Variants in FLT1 observed in about 807,000 individuals in gnomAD.
FLT1 encodes the protein fms related receptor tyrosine kinase 1.
FLT1 carries 49 observed loss-of-function variants against 156.3 expected under a neutral mutation model. The observed-to-expected ratio is 0.31, with a 90% CI of 0.25 to 0.40. FLT1 has a LOEUF of 0.40. FLT1 is among the 10% of genes least tolerant of loss of function. The pLI, the probability that FLT1 is intolerant of heterozygous loss-of-function variation, is 1.00. For synonymous variants in FLT1, 594 were observed against 583.8 expected, an observed-to-expected ratio of 1.02 and a Z score of -0.25; for missense variants, 1,322 against 1,637.2, an observed-to-expected ratio of 0.81 and a Z score of 3.32.
At chr13:28,410,263 C>T (rs9508026) in intron 10 of FLT1, among the ~76,000 whole-genome samples, 41,876 of 152,106 alleles carry the variant, frequency 0.28, 6,228 homozygotes, top group East Asian at 0.48. Context: ...TAGATTGTCA[C>T]ATCTGGTGGA....
At chr13:28,308,588 A>G (rs558911362) in intron 28 of FLT1, among the ~76,000 whole-genome samples, 2 of 152,318 alleles carry the variant, frequency 1.3e-5, no homozygotes, top group South Asian at 4.1e-4. Flanking sequence ...GAAACACACA[A>G]TGGAGTTTCC....
chr13:28,389,795 C>T lies in FLT1; in HGVS notation c.1969+1G>A. 1.9e-6 allele frequency: 3 copies of T among 1,614,172 alleles called. No individual in the cohort carries two copies. Among genetic ancestry groups the T allele is most frequent in the Non-Finnish European group, 2.5e-6 (3 of 1,180,024 alleles). ...AACAGCCTTTTTGTTGCAGTGCTCA[C>T]CTCTGATTGTAATTTCTTTCTTCTG... On this transcript the variant is annotated splice_donor_variant, in intron 13 of 29. Transcript: ENST00000282397. LOFTEE classifies it high-confidence loss of function.
chr13:28,475,868 A>G (rs1880514025), intron 1 of FLT1, among the ~76,000 whole-genome samples: 1 of 152,186 alleles, frequency 6.6e-6, no homozygotes, highest in South Asian at 2.1e-4. Context: ...TTTGATGAAG[A>G]GCATTATAAT....
rs558173203 is a variant in FLT1, at chr13:28,312,135, C to A, written c.3387-37G>T. On this transcript the variant is annotated intron_variant, in intron 25 of 29. Coordinates refer to ENST00000282397, the MANE Select transcript of FLT1 (RefSeq NM_002019.4). ...AACAGCAACAGAAATAGTTGGAGAG[C>A]AGTGATCATCCTATGCATTGCCTTA... 15 of 1,296,802 alleles carry A rather than the reference C, an allele frequency of 1.2e-5. No individual in the cohort carries two copies. In the South Asian group the frequency reaches 1.4e-4, roughly 12 times the overall value. 80.3% of individuals were successfully genotyped at this position (1,296,802 alleles called of 1,614,324 possible). A position where few individuals can be genotyped will look rare whatever the true frequency, so the allele number is the denominator to read the frequency against.
Position 28,303,380 on chromosome 13 carries a change from A to C in FLT1, c.3816-12T>G, listed in dbSNP as rs1351503816. The C allele has an allele frequency of 1.2e-6, 2 of 1,611,954 alleles. No individual in the cohort carries two copies. Among genetic ancestry groups the C allele is most frequent in the African/African-American group, 2.7e-5 (2 of 74,886 alleles). Reference sequence around the variant, plus strand: ...TGGTTACTCTCAAGCTAAAGAAAGAAAGGAAAGAAATCAAATATTCAAAAT... The same window carrying C: ...TGGTTACTCTCAAGCTAAAGAAAGACAGGAAAGAAATCAAATATTCAAAAT... On this transcript the variant is annotated splice_polypyrimidine_tract_variant and intron_variant, in intron 29 of 29. Coordinates refer to ENST00000282397, the MANE Select transcript of FLT1 (RefSeq NM_002019.4).
chr13:28,386,211 C>T, intron 13 of FLT1: 8 of 1,053,658 alleles, frequency 7.6e-6, no homozygotes, highest in Non-Finnish European at 8.0e-6. Context: ...TTCCATGTCC[C>T]TGCAGGGTTC....
At chr13:28,321,170 AG>A (rs1446835897) in intron 23 of FLT1, among the ~76,000 whole-genome samples, 4 of 152,202 alleles carry the variant, frequency 2.6e-5, no homozygotes, top group African/African-American at 9.6e-5. Context: ...GGTAATGCTA[AG>A]GTCTCACCCA....
At chr13:28,431,350 G>A (rs1877672859) in intron 6 of FLT1, 40 bp from the exon 7 acceptor site, 1 of 1,409,846 alleles carries the variant, frequency 7.1e-7, no homozygotes, top group East Asian at 2.3e-5. Flanking sequence ...AGGAGTGAGT[G>A]TTCATGCTTA....
chr13:28,401,968 C>T (rs1298758338), intron 11 of FLT1, among the ~76,000 whole-genome samples: 1 of 152,200 alleles, frequency 6.6e-6, no homozygotes, highest in African/African-American at 2.4e-5. Context: ...GTTCCTTCTA[C>T]TTCCTACTCC....
At chr13:28,386,038 A>G in intron 13 of FLT1, 1 of 1,053,620 alleles carries the variant, frequency 9.5e-7, no homozygotes, top group Non-Finnish European at 1.1e-6. Context: ...AGAAATCAAA[A>G]GAGTTTTGGC....
Position 28,492,368 on chromosome 13 carries a change from A to G in FLT1, c.64+2412T>C, listed in dbSNP as rs535737129. Among the ~76,000 whole-genome samples the G allele has an allele frequency of 2.0e-5, 3 of 152,364 alleles. No homozygotes were observed. In the South Asian group the frequency reaches 6.2e-4, roughly 32 times the overall value. Reference sequence around the variant, plus strand: ...TGTGATACCTTAAAAGTAAGAAATGAGACTCAGAGCTGGAGAAAGAGGACT... The same window carrying G: ...TGTGATACCTTAAAAGTAAGAAATGGGACTCAGAGCTGGAGAAAGAGGACT... On this transcript the variant is annotated intron_variant, in intron 1 of 29. Transcript: ENST00000282397.
intron 12 of FLT1, among the ~76,000 whole-genome samples, chr13:28,392,451 T>C (rs918857790): frequency 1.3e-5 from 2 of 152,220 alleles, no homozygotes; most frequent in African/African-American, 4.8e-5. Context: ...AGCAGAGGTA[T>C]TGTGCACTGG....
chr13:28,393,977 A>G (rs1365386634), intron 12 of FLT1, among the ~76,000 whole-genome samples: 7 of 152,340 alleles, frequency 4.6e-5, no homozygotes, highest in Non-Finnish European at 4.4e-5. Flanking sequence ...TTAAAATTTT[A>G]GACAGGCACT....
intron 17 of FLT1, among the ~76,000 whole-genome samples, chr13:28,334,981 G>A (rs543698678): frequency 1.3e-5 from 2 of 152,218 alleles, no homozygotes; most frequent in African/African-American, 4.8e-5. Flanking sequence ...AATGGAGAGT[G>A]GTGTTCAGGA....
rs1042173844 is a variant in FLT1, at chr13:28,321,577, A to G, written c.3060T>C (p.His1020=). The stretch of plus-strand genomic sequence containing the variant: ...GAATGTTTCTCGCTGCCAGGTCCCG[A>G]TGAATGCACTATAATAAAACAGTTG... ...MEFLSSRKCI[H]RDLAARNILL... The change falls in exon 23 of 30, where the codon CAT becomes CAC. Residue 1020 remains histidine (H), a synonymous_variant. Coordinates refer to ENST00000282397, the MANE Select transcript of FLT1 (RefSeq NM_002019.4). 2 of 1,614,068 alleles carry G rather than the reference A, an allele frequency of 1.2e-6. No homozygotes were observed. The highest frequency in any genetic ancestry group is 2.7e-5 in the African/African-American group (2 of 74,946).
chr13:28,329,485 G>C, intron 19 of FLT1, 130 bp downstream of exon 19: 1 of 709,332 alleles, frequency 1.4e-6, no homozygotes, highest in South Asian at 1.5e-5. Context: ...GTTTCTTCTA[G>C]AGCTATTAGG....
At chr13:28,307,573 A>T (rs955164860) in intron 28 of FLT1, among the ~76,000 whole-genome samples, 1 of 152,046 alleles carries the variant, frequency 6.6e-6, no homozygotes, top group African/African-American at 2.4e-5. Flanking sequence ...TATATTCTTC[A>T]GCTTATTTTT....
chr13:28,385,022 G>A lies in FLT1; in HGVS notation c.1979C>T (p.Ala660Val). Residue 660 changes from alanine to valine, a missense_variant, in exon 14 of 30, where the codon GCA (alanine) becomes GTA (valine). Ala to Val is a moderately conservative substitution (Grantham distance 64). Transcript: ENST00000282397. ...KKEITIRDQE[A>V]PYLLRNLSDH... is the part of the protein sequence containing the mutation. ...ACTGAGGTTTCGCAGGAGGTATGGT[G>A]CTTCCTGATCTAGTGAAGAAAGAAA... The A allele has an allele frequency of 6.2e-7, 1 of 1,614,068 alleles. No individual in the cohort carries two copies. The highest frequency in any genetic ancestry group is 8.5e-7 in the Non-Finnish European group (1 of 1,179,952).
intron 14 of FLT1, among the ~76,000 whole-genome samples, chr13:28,365,047 T>G (rs960154369): frequency 6.6e-6 from 1 of 152,182 alleles, no homozygotes; most frequent in Non-Finnish European, 1.5e-5. Context: ...ATGGTCATAT[T>G]TATTTTTAGG....
Sources: gnomAD v4.1 joint callset for allele counts (sites outside exome capture counted in the v4.1 genomes callset) on GRCh38, gnomAD v4.1.1 for gene constraint, MANE v1.5 for transcripts, NCBI Gene and HGNC (gene_info 2026-07-23, HGNC 2026-07-21) for gene names.